LITAF: variants seen among roughly 807,000 people sequenced by gnomAD.
LITAF encodes lipopolysaccharide induced TNF factor.
Under a neutral mutation model 14.5 loss-of-function variants are expected in LITAF, and 9 were observed. That is an observed-to-expected ratio of 0.62 (90% CI 0.37 to 1.08). The LOEUF (loss-of-function observed/expected upper bound fraction) is 1.08. Ranked by LOEUF, LITAF falls within the 50% of genes least tolerant of loss-of-function variation. The probability of loss-of-function intolerance (pLI) is 0.01; values close to 1 mark genes in which losing one functional copy is unlikely to be tolerated. For synonymous variants in LITAF, 98 were observed against 88.2 expected, an observed-to-expected ratio of 1.11 and a Z score of -0.62; for missense variants, 206 against 213.4, an observed-to-expected ratio of 0.97 and a Z score of 0.22.
At chr16:11,563,612 T>A (rs1449105756) in intron 1 of LITAF, among the ~76,000 whole-genome samples, 13 of 152,040 alleles carry the variant, frequency 8.6e-5, no homozygotes, top group Admixed American at 8.5e-4. Context: ...ATGCAAAAAA[T>A]ACCTGCCAAT....
At chr16:11,603,120 T>C (rs189419502), upstream of LITAF, among the ~76,000 whole-genome samples, 1 of 152,040 alleles carries the variant, frequency 6.6e-6, no homozygotes, top group Non-Finnish European at 1.5e-5. Flanking sequence ...AGAACACATT[T>C]AAAAATAAAA....
In LITAF at chr16:11,553,467, C is replaced by A. The variant is rs1403416021; in HGVS notation, c.377+66G>T. The stretch of plus-strand genomic sequence containing the variant: ...ATGTCAAGCATGGTGCAGTTGAGAA[C>A]CCACCCCCGCCAGCACCCAGAGAGA... On this transcript the variant is annotated intron_variant, in intron 3 of 3. Coordinates refer to ENST00000622633, the MANE Select transcript of LITAF (RefSeq NM_001136472.2). The surrounding 1 kb of genome is among the most constrained non-coding windows in gnomAD (Gnocchi z 7.7). 1 of 1,561,850 alleles carries A rather than the reference C, an allele frequency of 6.4e-7. No individual in the cohort carries two copies. Among genetic ancestry groups the A allele is most frequent in the African/African-American group, 1.4e-5 (1 of 73,872 alleles).
chr16:11,563,133 C>CA (rs1266023925), intron 1 of LITAF, among the ~76,000 whole-genome samples: 1 of 145,260 alleles, frequency 6.9e-6, no homozygotes, highest in Admixed American at 7.5e-5. Context: ...TATCTCTACA[C>CA]AAAAAAATTA....
chr16:11,618,503 A>G (rs1049704352), intron 3 of LITAF, among the ~76,000 whole-genome samples: 6 of 152,226 alleles, frequency 3.9e-5, no homozygotes, highest in African/African-American at 1.4e-4. Flanking sequence ...ATTGCTGGCC[A>G]TGCAGCTGGT....
upstream of LITAF, among the ~76,000 whole-genome samples, chr16:11,603,409 G>A (rs1392737173): frequency 1.3e-5 from 2 of 152,178 alleles, no homozygotes. Context: ...GCCTCCCGAG[G>A]GGTTTCAAGG....
intron 1 of LITAF, among the ~76,000 whole-genome samples, chr16:11,594,186 GA>G (rs34586225): frequency 0.43 from 62,101 of 143,906 alleles, 13,923 homozygotes; most frequent in African/African-American, 0.6. Context: ...ACCCTGTCTC[GA>G]AAAAAAAAAA....
chr16:11,635,621 A>G (rs2065135176), intron 2 of LITAF, among the ~76,000 whole-genome samples: 1 of 152,338 alleles, frequency 6.6e-6, no homozygotes, highest in African/African-American at 2.4e-5. Context: ...CCTGGGCCGC[A>G]GTAGCCTCTG....
intron 1 of LITAF, among the ~76,000 whole-genome samples, chr16:11,562,663 G>A (rs1219860300): frequency 3.3e-5 from 5 of 152,168 alleles, no homozygotes; most frequent in Non-Finnish European, 7.3e-5. Flanking sequence ...TTGGGAGGCC[G>A]ACGTGGGCAG....
chr16:11,622,698 G>A (rs2065058539), intron 3 of LITAF, among the ~76,000 whole-genome samples: 2 of 152,256 alleles, frequency 1.3e-5, no homozygotes, highest in South Asian at 4.1e-4. Flanking sequence ...GAAGGATACT[G>A]GAGGGGTAGG....
intron 1 of LITAF, among the ~76,000 whole-genome samples, chr16:11,594,289 A>T (rs1467372226): frequency 7.0e-6 from 1 of 143,480 alleles, no homozygotes; most frequent in Admixed American, 7.0e-5. Flanking sequence ...AAACTTCATT[A>T]CAACAACTGT....
At chr16:11,612,359 TG>T (rs1033194844) in intron 3 of LITAF, among the ~76,000 whole-genome samples, 4 of 152,242 alleles carry the variant, frequency 2.6e-5, no homozygotes, top group African/African-American at 9.6e-5. Flanking sequence ...AGGGGCCACC[TG>T]GGGGGCAGCC....
At chr16:11,618,381 C>G (rs183096747) in intron 3 of LITAF, among the ~76,000 whole-genome samples, 9 of 152,254 alleles carry the variant, frequency 5.9e-5, no homozygotes, top group Admixed American at 4.6e-4. Context: ...TAGGGGTAGC[C>G]TGGGGACGCC....
intron 3 of LITAF, among the ~76,000 whole-genome samples, chr16:11,622,051 G>A (rs77205487): frequency 0.015 from 2,281 of 152,284 alleles, 68 homozygotes; most frequent in East Asian, 0.13. Context: ...CTGCAGGCCC[G>A]CTCCAGCCCT....
At chr16:11,557,606 C>A (rs555618901) in intron 1 of LITAF, among the ~76,000 whole-genome samples, 2 of 152,066 alleles carry the variant, frequency 1.3e-5, no homozygotes, top group African/African-American at 2.4e-5. Flanking sequence ...TGTGCCCCCC[C>A]GCCCGGCTAA....
At chr16:11,611,750 C>T (rs1487862954) in intron 3 of LITAF, among the ~76,000 whole-genome samples, 4 of 151,846 alleles carry the variant, frequency 2.6e-5, no homozygotes, top group African/African-American at 9.7e-5. Context: ...GCAATCTCCA[C>T]CTCTCGGGTT....
intron 1 of LITAF, among the ~76,000 whole-genome samples, chr16:11,572,481 A>T (rs2064560226): frequency 6.6e-6 from 1 of 150,586 alleles, no homozygotes; most frequent in Non-Finnish European, 1.5e-5. Flanking sequence ...GTCACATGAC[A>T]TCACACACCT....
intron 2 of LITAF, chr16:11,635,793 T>A (rs1299574372): frequency 6.6e-6 from 1 of 152,184 alleles, no homozygotes; most frequent in Non-Finnish European, 1.5e-5. Context: ...CTGTGGGACA[T>A]ACGGAGCATT....
upstream of LITAF, among the ~76,000 whole-genome samples, chr16:11,601,718 C>T (rs897978977): frequency 2.6e-5 from 4 of 152,088 alleles, no homozygotes; most frequent in South Asian, 2.1e-4. Flanking sequence ...ACTACAGGCA[C>T]CCGGCTAATT....
upstream of LITAF, among the ~76,000 whole-genome samples, chr16:11,603,187 G>A (rs553183156): frequency 1.3e-5 from 2 of 152,338 alleles, no homozygotes; most frequent in South Asian, 4.1e-4. Flanking sequence ...GGGGTTGCAG[G>A]CAGGAGCTTT....
Sources: allele counts gnomAD v4.1 joint callset (sites outside exome capture counted in the v4.1 genomes callset), GRCh38; gene constraint gnomAD v4.1.1; non-coding constraint Gnocchi (gnomAD v3.1); transcripts MANE v1.5; gene names NCBI Gene and HGNC (gene_info 2026-07-23, HGNC 2026-07-21).